Variants in SPAG17 observed in about 807,000 individuals in gnomAD.
The protein encoded by SPAG17 is sperm associated antigen 17, also known as sperm-associated antigen 17.
A neutral mutation model predicts 273.6 loss-of-function variants in SPAG17; 169 were observed. The observed-to-expected ratio is 0.62, with a 90% CI of 0.55 to 0.70. The LOEUF (loss-of-function observed/expected upper bound fraction) is 0.70, where lower values mean the gene tolerates loss of function less well. Among genes scored for constraint, SPAG17 ranks in the 30% least tolerant of loss-of-function variants. The probability of loss-of-function intolerance (pLI) is 0.00; values close to 1 mark genes in which losing one functional copy is unlikely to be tolerated. For synonymous variants in SPAG17, 825 were observed against 873.2 expected (o/e 0.94, Z 0.97); for missense variants, 2,557 against 2,627.8 (o/e 0.97, Z 0.59).
intron 32 of SPAG17, 132 bp downstream of exon 32, chr1:118,005,282 C>G: frequency 1.5e-6 from 1 of 676,534 alleles, no homozygotes; most frequent in Non-Finnish European, 2.3e-6. Context: ...ACTGCTTGCC[C>G]AAAGTATTGG....
rs948223764 is a variant in SPAG17 at position 118,115,300 on chromosome 1, C to A, written c.447+10G>T. 6.2e-7 allele frequency: 1 copy of A among 1,611,576 alleles called. No homozygotes were observed. The highest frequency in any genetic ancestry group is 8.5e-7 in the Non-Finnish European group (1 of 1,178,638). Reference sequence around the variant, plus strand: ...GCCCTCTTTAGAAAACCCACCAGATCGTACAGTACCTTCTTTTCATTTTCC... The same window carrying A: ...GCCCTCTTTAGAAAACCCACCAGATAGTACAGTACCTTCTTTTCATTTTCC... On this transcript the variant is annotated intron_variant, in intron 4 of 48. Transcript: ENST00000336338.
chr1:118,184,990 C>A (rs1174009219), intron 1 of SPAG17, 81 bp downstream of exon 1: 5 of 1,218,160 alleles, frequency 4.1e-6, no homozygotes, highest in Non-Finnish European at 6.0e-6. Context: ...GAGGGCGAGC[C>A]TTAAGGCGTC....
At chr1:118,122,910 G>C (rs539199534) in intron 3 of SPAG17, among the ~76,000 whole-genome samples, 5 of 152,304 alleles carry the variant, frequency 3.3e-5, no homozygotes, top group Middle Eastern at 3.4e-3. Flanking sequence ...ACTGGGCAGT[G>C]AGACAGTGAC....
At chr1:117,996,141 T>C (rs918183931) in intron 34 of SPAG17, among the ~76,000 whole-genome samples, 1 of 152,104 alleles carries the variant, frequency 6.6e-6, no homozygotes, top group African/African-American at 2.4e-5. Context: ...ACTCAGCGTA[T>C]GCAGACTGGT....
chr1:118,112,931 CT>C (rs148949781), intron 4 of SPAG17, among the ~76,000 whole-genome samples: 4 of 151,956 alleles, frequency 2.6e-5, no homozygotes, highest in African/African-American at 9.7e-5. Context: ...TATTATTTAT[CT>C]TTTTTTAAAA....
intron 5 of SPAG17, among the ~76,000 whole-genome samples, chr1:118,101,244 G>A (rs1656048116): frequency 6.6e-6 from 1 of 152,104 alleles, no homozygotes; most frequent in African/African-American, 2.4e-5. Flanking sequence ...GAGAGATCCT[G>A]TCTCTACAAA....
chr1:118,074,443 G>T, intron 16 of SPAG17, 96 bp downstream of exon 16: 1 of 1,021,704 alleles, frequency 9.8e-7, no homozygotes, highest in Non-Finnish European at 1.5e-6. Context: ...CTCCTTCTAA[G>T]TATCTTCTTT....
intron 1 of SPAG17, among the ~76,000 whole-genome samples, chr1:118,158,610 C>T (rs1659768271): frequency 6.6e-6 from 1 of 152,086 alleles, no homozygotes; most frequent in South Asian, 2.1e-4. Context: ...GATAGGGAGC[C>T]TTAGTGCAAT....
chr1:118,050,649 C>T (rs1157981205), intron 20 of SPAG17, among the ~76,000 whole-genome samples: 1 of 152,102 alleles, frequency 6.6e-6, no homozygotes, highest in Non-Finnish European at 1.5e-5. Context: ...TTGAGGAAGA[C>T]CAAGTTTTTC....
At chr1:117,963,689 G>A in intron 48 of SPAG17, 110 bp downstream of exon 48, 2 of 1,012,040 alleles carry the variant, frequency 2.0e-6, no homozygotes, top group Non-Finnish European at 2.8e-6. Context: ...ATTCATTCAG[G>A]CCAGGTGGCT....
At chr1:118,049,787 G>C (rs1051255083) in intron 20 of SPAG17, among the ~76,000 whole-genome samples, 5 of 152,152 alleles carry the variant, frequency 3.3e-5, no homozygotes, top group Admixed American at 6.5e-5. Flanking sequence ...CATGAGCAGG[G>C]CAGATGTGGG....
intron 35 of SPAG17, 101 bp downstream of exon 35, chr1:117,994,305 G>A: frequency 8.0e-7 from 1 of 1,243,450 alleles, no homozygotes; most frequent in Non-Finnish European, 1.1e-6. Flanking sequence ...ACATAAGAAT[G>A]AAAATATATG....
At position 117,992,507 on chromosome 1, in the gene SPAG17, T is replaced by C; in HGVS notation, c.5320A>G (p.Ile1774Val). 1.2e-6 allele frequency: 2 copies of C among 1,613,092 alleles called. No homozygotes were observed. Among genetic ancestry groups the C allele is most frequent in the African/African-American group, 1.3e-5 (1 of 74,944 alleles). The change falls in exon 36 of 49, where the codon ATA (isoleucine) becomes GTA (valine). Residue 1774 changes from isoleucine to valine, a missense_variant. By Grantham distance (29) the Ile-to-Val change is conservative. Coordinates refer to ENST00000336338, the MANE Select transcript of SPAG17 (RefSeq NM_206996.4). ...AGCCTCAGTTTCACCTCATTCTTTA[T>C]GACCTCATGCTGAATGAATTGGCGC... ...QMRQFIQHEV[I>V]KNEVKLRLQV...
chr1:117,973,227 G>A (rs1026025315), intron 44 of SPAG17, among the ~76,000 whole-genome samples, 198 bp downstream of exon 44: 1 of 152,168 alleles, frequency 6.6e-6, no homozygotes, highest in Non-Finnish European at 1.5e-5. Flanking sequence ...TTACATGTGT[G>A]AGATGTAAGT....
At position 117,953,866 on chromosome 1, in the gene SPAG17, T is replaced by A. The variant is rs1188004680; in HGVS notation, c.*184A>T. 4 of 706,854 alleles carry A rather than the reference T, an allele frequency of 5.7e-6. No homozygotes were observed. Among genetic ancestry groups the A allele is most frequent in the Non-Finnish European group, 9.4e-6 (4 of 424,254 alleles). The allele number at this position is 706,854 out of a possible 1,614,324, so 43.8% of individuals were successfully genotyped here. ...AAACCAAAAATGTCTTTAAATGCTTTTTGGCACTCTATTCGCACGTCTTTA... is the reference window on the plus strand; with the variant it reads ...AAACCAAAAATGTCTTTAAATGCTTATTGGCACTCTATTCGCACGTCTTTA... On this transcript the variant is annotated 3_prime_UTR_variant, in exon 49 of 49. Transcript: ENST00000336338.
At chr1:117,969,439 C>T (rs974059082) in intron 46 of SPAG17, among the ~76,000 whole-genome samples, 2 of 152,092 alleles carry the variant, frequency 1.3e-5, no homozygotes, top group East Asian at 1.9e-4. Flanking sequence ...ATTAGCCGGA[C>T]GTGGTGGCAT....
intron 26 of SPAG17, among the ~76,000 whole-genome samples, chr1:118,026,202 T>A (rs992260877): frequency 6.6e-6 from 1 of 152,110 alleles, no homozygotes; most frequent in Non-Finnish European, 1.5e-5. Context: ...AATCCCCTCA[T>A]CTCTAACCAA....
chr1:118,077,956 T>G (rs1483383207), intron 15 of SPAG17, among the ~76,000 whole-genome samples: 1 of 152,200 alleles, frequency 6.6e-6, no homozygotes, highest in East Asian at 1.9e-4. Flanking sequence ...TGTATGTAGT[T>G]GAACAAATTA....
At chr1:118,135,162 C>T (rs865909809) in intron 3 of SPAG17, among the ~76,000 whole-genome samples, 9 of 152,120 alleles carry the variant, frequency 5.9e-5, no homozygotes, top group South Asian at 2.1e-4. Context: ...AAACGGGACC[C>T]CTGTGATCAG....
Sources: allele counts gnomAD v4.1 joint callset (sites outside exome capture counted in the v4.1 genomes callset), GRCh38; gene constraint gnomAD v4.1.1; transcripts MANE v1.5; gene names NCBI Gene and HGNC (gene_info 2026-07-23, HGNC 2026-07-21).